Variants in LARGE1 observed in about 807,000 individuals in gnomAD.
The protein encoded by LARGE1 is xylosyl- and glucuronyltransferase LARGE1.
In LARGE1, 43 loss-of-function variants were observed where a neutral mutation model predicts 87.6. The ratio of observed to expected loss-of-function variants is 0.49; its 90% CI spans 0.38 to 0.63. LARGE1 has a LOEUF of 0.63. Among genes scored for constraint, LARGE1 ranks in the 30% least tolerant of loss-of-function variants. The pLI is 0.00. For missense variants in LARGE1, 802 were observed against 1,000.2 expected (o/e 0.80, Z 2.67); for synonymous variants, 434 against 394.6 (o/e 1.10, Z -1.18).
At chr22:33,608,784 G>A (rs138479622) in intron 4 of LARGE1, among the ~76,000 whole-genome samples, 81 of 152,300 alleles carry the variant, frequency 5.3e-4, no homozygotes, top group African/African-American at 1.9e-3. Flanking sequence ...CATCCCGGCT[G>A]CAGTACCTAC....
intron 7 of LARGE1, among the ~76,000 whole-genome samples, chr22:33,423,548 T>C (rs1339751313): frequency 6.6e-6 from 1 of 151,358 alleles, no homozygotes; most frequent in Admixed American, 6.6e-5. Context: ...GGCATGGTGG[T>C]GTGCGCCTGT....
intron 5 of LARGE1, among the ~76,000 whole-genome samples, chr22:33,599,971 C>T (rs554068915): frequency 6.6e-6 from 1 of 152,282 alleles, no homozygotes; most frequent in Admixed American, 6.5e-5. Flanking sequence ...CAGAGCTGCT[C>T]TTAGGAGGTG....
At chr22:33,655,452 G>C (rs1350850969) in intron 2 of LARGE1, among the ~76,000 whole-genome samples, 2 of 152,124 alleles carry the variant, frequency 1.3e-5, no homozygotes, top group Non-Finnish European at 2.9e-5. Flanking sequence ...GAGATCTCCT[G>C]GTTCTCAGGC....
intron 11 of LARGE1, among the ~76,000 whole-genome samples, chr22:33,310,101 G>A (rs979223899): frequency 2.0e-5 from 3 of 152,166 alleles, no homozygotes; most frequent in East Asian, 1.9e-4. Context: ...GGCACCACCC[G>A]AGATTCTGGT....
chr22:33,822,089 G>T (rs1266385925), intron 1 of LARGE1, among the ~76,000 whole-genome samples: 1 of 150,820 alleles, frequency 6.6e-6, no homozygotes, highest in East Asian at 2.0e-4. Flanking sequence ...GGTTAATTAT[G>T]TATTCCCAAC....
intron 1 of LARGE1, among the ~76,000 whole-genome samples, chr22:33,883,443 A>G (rs2064755170): frequency 6.6e-6 from 1 of 152,184 alleles, no homozygotes. Context: ...CCTGAAGTAC[A>G]GCCCTCCGCA....
At chr22:33,401,513 C>A (rs536902361) in intron 7 of LARGE1, among the ~76,000 whole-genome samples, 22 of 152,256 alleles carry the variant, frequency 1.4e-4, no homozygotes, top group African/African-American at 5.1e-4. Context: ...GCCAACCAGC[C>A]AGTCAGCAGA....
chr22:33,164,337 CA>C (rs1465294754), exon 12 of LARGE1: 1 of 152,076 alleles, frequency 6.6e-6, no homozygotes, highest in Non-Finnish European at 1.5e-5. Context: ...TCGAAGTTCC[CA>C]AGTACGTCTT....
chr22:33,090,010 CT>C, the LARGE1 span, among the ~76,000 whole-genome samples: 1 of 152,000 alleles, frequency 6.6e-6, no homozygotes, highest in Non-Finnish European at 1.5e-5. Flanking sequence ...CAAGACCAGC[CT>C]GGCCAAGATG....
intron 11 of LARGE1, among the ~76,000 whole-genome samples, chr22:33,315,349 C>T (rs936658781): frequency 1.5e-4 from 23 of 152,146 alleles, no homozygotes; most frequent in Admixed American, 7.2e-4. Context: ...GGCTTGTAAG[C>T]TACATCAGGG....
At chr22:33,900,638 A>G (rs2065257908) in intron 1 of LARGE1, among the ~76,000 whole-genome samples, 1 of 152,180 alleles carries the variant, frequency 6.6e-6, no homozygotes, top group Non-Finnish European at 1.5e-5. Context: ...GGAAGTCCTA[A>G]CCCCTGGTAC....
intron 7 of LARGE1, among the ~76,000 whole-genome samples, chr22:33,404,945 C>A (rs1261797930): frequency 6.6e-6 from 1 of 152,184 alleles, no homozygotes; most frequent in African/African-American, 2.4e-5. Flanking sequence ...TCTTAGTCAT[C>A]ACGGCCACAA....
At chr22:33,570,646 C>CA (rs10590542) in intron 5 of LARGE1, among the ~76,000 whole-genome samples, 47 of 80,870 alleles carry the variant, frequency 5.8e-4, no homozygotes, top group South Asian at 1.4e-3. Context: ...GACTCCATTT[C>CA]AAAAAAAAAA....
intron 7 of LARGE1, among the ~76,000 whole-genome samples, chr22:33,426,113 G>T (rs555772542): frequency 7.9e-5 from 12 of 152,212 alleles, no homozygotes; most frequent in African/African-American, 2.9e-4. Context: ...TCTAGAAAAC[G>T]CTAGTCTAGG....
At chr22:33,509,194 T>C (rs2070922863) in intron 6 of LARGE1, among the ~76,000 whole-genome samples, 1 of 152,064 alleles carries the variant, frequency 6.6e-6, no homozygotes, top group African/African-American at 2.4e-5. Flanking sequence ...ATGCCTGGGG[T>C]GCACCCCAAG....
intron 2 of LARGE1, among the ~76,000 whole-genome samples, chr22:33,703,239 G>A (rs891374086): frequency 2.6e-5 from 4 of 151,892 alleles, no homozygotes; most frequent in African/African-American, 9.7e-5. Flanking sequence ...AATACCTAAT[G>A]CATGTGGGGC....
chr22:33,386,283 A>G (rs1364749694), intron 7 of LARGE1, among the ~76,000 whole-genome samples: 2 of 148,994 alleles, frequency 1.3e-5, no homozygotes, highest in East Asian at 3.9e-4. Context: ...AAAAGTAGCT[A>G]TGTCAGATTC....
chr22:33,678,192 T>A (rs554719211), intron 2 of LARGE1, among the ~76,000 whole-genome samples: 1 of 152,216 alleles, frequency 6.6e-6, no homozygotes, highest in Non-Finnish European at 1.5e-5. Context: ...ATCCAGTATG[T>A]AAAACTACAA....
intron 9 of LARGE1, among the ~76,000 whole-genome samples, chr22:33,350,142 T>C (rs976964962): frequency 2.0e-5 from 3 of 152,204 alleles, no homozygotes; most frequent in African/African-American, 7.2e-5. Context: ...CATGAATCCA[T>C]GAGACAATTC....
Sources: allele counts gnomAD v4.1 joint callset (sites outside exome capture counted in the v4.1 genomes callset), GRCh38; gene constraint gnomAD v4.1.1; transcripts MANE v1.5; gene names NCBI Gene and HGNC (gene_info 2026-07-23, HGNC 2026-07-21).